Variants in SMIM45 observed in about 807,000 individuals in gnomAD.
SMIM45 encodes the protein small integral membrane protein 45.
the SMIM45 span, among the ~76,000 whole-genome samples, chr22:41,953,740 GTTTTTTTTTTTTTTTT>G: frequency 1.1e-5 from 1 of 89,302 alleles, no homozygotes; most frequent in African/African-American, 3.4e-5. Context: ...TCTGTGATCT[GTTTTTTTTTTTTTTTT>G]TTTTTTTTTT....
chr22:41,952,078 T>G, the SMIM45 span: 4 of 152,796 alleles, frequency 2.6e-5, no homozygotes, highest in African/African-American at 9.6e-5. Flanking sequence ...GCCCTTGCTC[T>G]GCCAGGCTGC....
chr22:41,947,087 G>A, the SMIM45 span: 422,943 of 1,611,692 alleles, frequency 0.26, 73,319 homozygotes, highest in African/African-American at 0.83. Context: ...CACAGCCGCA[G>A]GACCAACCGT....
chr22:41,954,743 C>T, the SMIM45 span, among the ~76,000 whole-genome samples: 5 of 152,148 alleles, frequency 3.3e-5, no homozygotes, highest in East Asian at 7.8e-4. Context: ...CACGGTGGCT[C>T]ATGCCTGTAA....
the SMIM45 span, among the ~76,000 whole-genome samples, chr22:41,955,544 C>T: frequency 1.3e-5 from 2 of 152,030 alleles, no homozygotes; most frequent in African/African-American, 4.8e-5. Flanking sequence ...CGGTGGCTCA[C>T]GCCTGTAATC....
At chr22:41,949,807 A>T in the SMIM45 span, among the ~76,000 whole-genome samples, 1 of 152,104 alleles carries the variant, frequency 6.6e-6, no homozygotes, top group Non-Finnish European at 1.5e-5. Flanking sequence ...GTCCCTGGGG[A>T]GCCTGCACTC....
At chr22:41,954,183 C>T in the SMIM45 span, among the ~76,000 whole-genome samples, 7 of 149,726 alleles carry the variant, frequency 4.7e-5, no homozygotes, top group Non-Finnish European at 8.9e-5. Flanking sequence ...ATAGCACCCA[C>T]GTCCTAAGGG....
the SMIM45 span, among the ~76,000 whole-genome samples, chr22:41,947,667 C>A: frequency 6.7e-6 from 1 of 148,778 alleles, no homozygotes; most frequent in Non-Finnish European, 1.5e-5. Flanking sequence ...CCGTGCCTGG[C>A]CCTTTTTTTT....
chr22:41,955,213 T>C, the SMIM45 span, among the ~76,000 whole-genome samples: 2 of 151,508 alleles, frequency 1.3e-5, no homozygotes, highest in Non-Finnish European at 2.9e-5. Flanking sequence ...AGAGTTTCAC[T>C]CTTGTTGCCC....
chr22:41,956,135 G>C, the SMIM45 span, among the ~76,000 whole-genome samples: 1 of 151,554 alleles, frequency 6.6e-6, no homozygotes, highest in Non-Finnish European at 1.5e-5. Flanking sequence ...TCAGCCTCCC[G>C]GGTAACTGGG....
At chr22:41,947,058 G>C in the SMIM45 span, 1 of 1,612,944 alleles carries the variant, frequency 6.2e-7, no homozygotes, top group Non-Finnish European at 8.5e-7. Flanking sequence ...AGCTTGTCCA[G>C]GGGCCTCAAC....
At chr22:41,947,943 G>A in the SMIM45 span, among the ~76,000 whole-genome samples, 1 of 152,146 alleles carries the variant, frequency 6.6e-6, no homozygotes, top group Non-Finnish European at 1.5e-5. Flanking sequence ...CCAATTGACT[G>A]CTTTTACAGT....
At chr22:41,948,489 G>A in the SMIM45 span, among the ~76,000 whole-genome samples, 4 of 152,150 alleles carry the variant, frequency 2.6e-5, no homozygotes, top group Non-Finnish European at 5.9e-5. Context: ...AACTAACTGT[G>A]TCTTGCTCAG....
At chr22:41,952,710 C>T in the SMIM45 span, among the ~76,000 whole-genome samples, 1 of 152,228 alleles carries the variant, frequency 6.6e-6, no homozygotes, top group Admixed American at 6.5e-5. Context: ...CCACGGGGTC[C>T]TCAGTCAGCC....
At chr22:41,956,372 G>T in the SMIM45 span, among the ~76,000 whole-genome samples, 1 of 152,186 alleles carries the variant, frequency 6.6e-6, no homozygotes, top group Non-Finnish European at 1.5e-5. Context: ...GTGTTTTGGT[G>T]CTAGGGGCCT....
chr22:41,955,093 G>T, the SMIM45 span, among the ~76,000 whole-genome samples: 4 of 152,136 alleles, frequency 2.6e-5, no homozygotes, highest in African/African-American at 9.7e-5. Flanking sequence ...TGCCTTCTCC[G>T]CCTCTCGCTC....
the SMIM45 span, among the ~76,000 whole-genome samples, chr22:41,955,805 CAAA>C: frequency 5.7e-5 from 6 of 104,350 alleles, no homozygotes; most frequent in Admixed American, 9.6e-5. Flanking sequence ...GACTCCGTCT[CAAA>C]AAAAAAAAAA....
the SMIM45 span, among the ~76,000 whole-genome samples, chr22:41,949,224 G>GCGATC: frequency 1.7e-4 from 26 of 150,634 alleles, no homozygotes; most frequent in African/African-American, 6.4e-4. Flanking sequence ...CAGCCTGGGT[G>GCGATC]ACATGTGAGA....
At chr22:41,947,161 G>T in the SMIM45 span, 12 of 1,347,470 alleles carry the variant, frequency 8.9e-6, no homozygotes, top group African/African-American at 5.9e-5. Context: ...GCGCGGCCTG[G>T]GGGCACGTGC....
the SMIM45 span, among the ~76,000 whole-genome samples, chr22:41,953,631 G>A: frequency 9.2e-5 from 14 of 152,120 alleles, no homozygotes; most frequent in African/African-American, 3.4e-4. Flanking sequence ...GCAGGCAGAG[G>A]TGGGCTCCTC....
Sources: gnomAD v4.1 joint callset for allele counts (sites outside exome capture counted in the v4.1 genomes callset) on GRCh38, gnomAD v4.1.1 for gene constraint, MANE v1.5 for transcripts, NCBI Gene and HGNC (gene_info 2026-07-23, HGNC 2026-07-21) for gene names.